The following DLG2 variants were observed in gnomAD, a reference collection of about 807,000 sequenced individuals.
DLG2 encodes the protein discs large MAGUK scaffold protein 2.
In DLG2, 45 loss-of-function variants were observed where a neutral mutation model predicts 132.5. That is an observed-to-expected ratio of 0.34 (90% CI 0.27 to 0.44). DLG2 has a LOEUF of 0.44. Ranked by LOEUF, DLG2 falls within the 20% of genes least tolerant of loss-of-function variation. DLG2 has a pLI of 1.00. For synonymous variants in DLG2, 424 were observed against 419.6 expected (o/e 1.01, Z -0.13); for missense variants, 1,045 against 1,196.9 (o/e 0.87, Z 1.87).
At chr11:84,916,348 CAAAAAAAAAAAAAAAAA>C (rs11423369) in intron 6 of DLG2, among the ~76,000 whole-genome samples, 27 of 27,950 alleles carry the variant, frequency 9.7e-4, no homozygotes, top group African/African-American at 2.4e-3. Flanking sequence ...GACTCCGTCT[CAAAAAAAAAAAAAAAAA>C]AAAAAAAAAA....
chr11:84,908,085 G>C (rs1324850021), intron 6 of DLG2, among the ~76,000 whole-genome samples: 7 of 151,796 alleles, frequency 4.6e-5, no homozygotes, highest in African/African-American at 1.7e-4. Context: ...TCCATCCATG[G>C]AAAGAACGAG....
intron 6 of DLG2, among the ~76,000 whole-genome samples, chr11:84,722,305 C>T (rs2061925746): frequency 6.6e-6 from 1 of 152,140 alleles, no homozygotes; most frequent in South Asian, 2.1e-4. Context: ...ACCACATCCT[C>T]CTGATGCAAT....
At chr11:84,949,836 C>T (rs185252335) in intron 6 of DLG2, among the ~76,000 whole-genome samples, 4 of 152,150 alleles carry the variant, frequency 2.6e-5, no homozygotes, top group Non-Finnish European at 5.9e-5. Flanking sequence ...ACATCCTCCT[C>T]AACCGACAGG....
At chr11:84,048,846 A>C (rs1479315023) in intron 11 of DLG2, among the ~76,000 whole-genome samples, 1 of 151,570 alleles carries the variant, frequency 6.6e-6, no homozygotes, top group African/African-American at 2.4e-5. Flanking sequence ...AGAAAAAAAA[A>C]CACACACACA....
chr11:83,824,724 AC>A (rs1159098953), intron 17 of DLG2, among the ~76,000 whole-genome samples: 4 of 152,154 alleles, frequency 2.6e-5, no homozygotes, highest in Non-Finnish European at 5.9e-5. Flanking sequence ...CCGCTATTAT[AC>A]ACAGTTTTGG....
chr11:84,064,827 T>A (rs1369891027), intron 10 of DLG2, among the ~76,000 whole-genome samples: 1 of 152,006 alleles, frequency 6.6e-6, no homozygotes, highest in Non-Finnish European at 1.5e-5. Flanking sequence ...AAGAAAAATA[T>A]AAAAATAGAG....
intron 11 of DLG2, among the ~76,000 whole-genome samples, chr11:84,023,182 A>G (rs1223586351): frequency 1.3e-5 from 2 of 152,174 alleles, no homozygotes; most frequent in African/African-American, 4.8e-5. Context: ...AACTGTTTTG[A>G]AATAAAAGAT....
At position 85,361,066 on chromosome 11, in the gene DLG2, A is replaced by G. The variant is rs1596520380; in HGVS notation, c.41-75701T>C. 2.6e-5 allele frequency among the ~76,000 whole-genome samples: 4 copies of G among 152,290 alleles called. No homozygotes were observed. The South Asian group carries it at 8.3e-4, about 32-fold the overall frequency. On this transcript the variant is annotated intron_variant, in intron 3 of 27. Transcript: ENST00000376104. ...TTTTTTATGGATCAGGAAAACAGAG[A>G]GTCTGAGTGACTTGTACAAGGTCAC...
At chr11:83,465,569 C>A (rs543737499) in intron 26 of DLG2, among the ~76,000 whole-genome samples, 1 of 152,232 alleles carries the variant, frequency 6.6e-6, no homozygotes, top group South Asian at 2.1e-4. Flanking sequence ...CTTGCACTGT[C>A]ATGGAAGAGG....
chr11:84,392,282 C>G (rs185869005), intron 7 of DLG2, among the ~76,000 whole-genome samples: 7 of 152,278 alleles, frequency 4.6e-5, no homozygotes, highest in Non-Finnish European at 8.8e-5. Flanking sequence ...TAAATGCCTA[C>G]TACAAAGCCA....
At position 83,672,559 on chromosome 11, in the gene DLG2, T is replaced by C. The variant is rs559798775; in HGVS notation, c.1826-39234A>G. On this transcript the variant is annotated intron_variant, in intron 18 of 27. Coordinates refer to ENST00000376104, the MANE Select transcript of DLG2 (RefSeq NM_001142699.3). Reference sequence around the variant, plus strand: ...TTGCTCAGTGTACTCCTAACAATACTCTTCTCTATATATCTAGTAAATTCC... The same window carrying C: ...TTGCTCAGTGTACTCCTAACAATACCCTTCTCTATATATCTAGTAAATTCC... Among the ~76,000 whole-genome samples, 35 of 152,304 alleles carry C rather than the reference T, an allele frequency of 2.3e-4. 1 individual carries two copies. Among genetic ancestry groups the C allele is most frequent in the Admixed American group, 1.4e-3 (22 of 15,304 alleles).
intron 7 of DLG2, among the ~76,000 whole-genome samples, chr11:84,507,862 A>G (rs1426045889): frequency 6.6e-6 from 1 of 152,190 alleles, no homozygotes; most frequent in Non-Finnish European, 1.5e-5. Flanking sequence ...GTGCTGCTGG[A>G]TTCAGTTTGC....
chr11:84,681,861 A>C (rs1238323721), intron 6 of DLG2, among the ~76,000 whole-genome samples: 1 of 151,760 alleles, frequency 6.6e-6, no homozygotes, highest in African/African-American at 2.4e-5. Flanking sequence ...TTCTTTGCTG[A>C]CTTTTAGGCC....
intron 12 of DLG2, among the ~76,000 whole-genome samples, chr11:83,974,171 A>G (rs960312779): frequency 1.3e-5 from 2 of 152,090 alleles, no homozygotes; most frequent in Non-Finnish European, 2.9e-5. Flanking sequence ...ACCAATGAAT[A>G]TGCTTTAACA....
chr11:85,315,695 A>G (rs1321181058), intron 3 of DLG2, among the ~76,000 whole-genome samples: 2 of 152,040 alleles, frequency 1.3e-5, no homozygotes, highest in East Asian at 3.9e-4. Flanking sequence ...CTTTAAAACC[A>G]AAATTGTTTT....
intron 6 of DLG2, among the ~76,000 whole-genome samples, chr11:85,046,734 G>A (rs1488186445): frequency 6.6e-6 from 1 of 151,512 alleles, no homozygotes; most frequent in African/African-American, 2.4e-5. Context: ...TCTGATCATC[G>A]GATTAACATA....
intron 6 of DLG2, among the ~76,000 whole-genome samples, chr11:85,064,786 C>T (rs1202468893): frequency 6.6e-6 from 1 of 151,354 alleles, no homozygotes; most frequent in Non-Finnish European, 1.5e-5. Flanking sequence ...TAATTAAAGG[C>T]CTTAAGAGCA....
intron 7 of DLG2, among the ~76,000 whole-genome samples, chr11:84,418,619 T>C (rs762288855): frequency 1.3e-5 from 2 of 152,206 alleles, no homozygotes; most frequent in Non-Finnish European, 2.9e-5. Context: ...AGTTATACCA[T>C]GTCTACCTTC....
chr11:85,511,016 T>C (rs1046028256), intron 3 of DLG2, among the ~76,000 whole-genome samples: 8 of 152,196 alleles, frequency 5.3e-5, no homozygotes, highest in African/African-American at 1.4e-4. Flanking sequence ...ATGTGGCACA[T>C]ATACACCATG....
Sources: gnomAD v4.1 joint callset for allele counts (sites outside exome capture counted in the v4.1 genomes callset) on GRCh38, gnomAD v4.1.1 for gene constraint, MANE v1.5 for transcripts, NCBI Gene and HGNC (gene_info 2026-07-23, HGNC 2026-07-21) for gene names.